SLC11A1: variants seen among roughly 807,000 people sequenced by gnomAD.
The protein encoded by SLC11A1 is solute carrier family 11 member 1, also known as natural resistance-associated macrophage protein 1.
Under a neutral mutation model 63.2 loss-of-function variants are expected in SLC11A1, and 59 were observed. The observed-to-expected ratio is 0.93, with a 90% CI of 0.76 to 1.16. The LOEUF (loss-of-function observed/expected upper bound fraction) is 1.16. Among genes scored for constraint, SLC11A1 ranks in the 50% most tolerant of loss-of-function variants. The pLI, the probability that SLC11A1 is intolerant of heterozygous loss-of-function variation, is 0.00. For synonymous variants in SLC11A1, 305 were observed against 307.8 expected (o/e 0.99, Z 0.09); for missense variants, 688 against 730.7 (o/e 0.94, Z 0.67).
At chr2:218,385,652 A>G (rs531798870) in intron 4 of SLC11A1, 112 of 363,378 alleles carry the variant, frequency 3.1e-4, no homozygotes, top group African/African-American at 2.3e-3. Context: ...CAGTCTCCCA[A>G]AGTGCTGGGA....
intron 11 of SLC11A1, 121 bp from the exon 12 acceptor site, chr2:218,392,860 T>A (rs1326745873): frequency 1.3e-6 from 1 of 764,240 alleles, no homozygotes; most frequent in African/African-American, 1.8e-5. Context: ...CTGTCCCAGT[T>A]CAACAGTGGA....
chr2:218,382,678 C>G (rs1695868894), intron 1 of SLC11A1, among the ~76,000 whole-genome samples: 1 of 152,212 alleles, frequency 6.6e-6, no homozygotes, highest in Non-Finnish European at 1.5e-5. Context: ...CATGTGGCCT[C>G]AGCTTGCCCT....
intron 9 of SLC11A1, among the ~76,000 whole-genome samples, chr2:218,390,368 G>C (rs181427416): frequency 2.0e-5 from 3 of 152,178 alleles, no homozygotes; most frequent in Admixed American, 2.0e-4. Context: ...TATGGGGGTG[G>C]GGTCTGCATT....
At chr2:218,390,580 G>A (rs1696370663) in intron 9 of SLC11A1, among the ~76,000 whole-genome samples, 1 of 152,174 alleles carries the variant, frequency 6.6e-6, no homozygotes, top group Non-Finnish European at 1.5e-5. Context: ...TGGGAGAAGG[G>A]GTGGCCAGGC....
Position 218,382,500 on chromosome 2 carries a change from G to C in SLC11A1, c.7+125G>C. ...CCTGTGGAAGCCTCTGGTCCCCCGT[G>C]GGAGTCCTAGTCTAGAACACAGTTC... is the stretch of plus-strand genomic sequence containing the variant. On this transcript the variant is annotated intron_variant, in intron 1 of 14. Transcript: ENST00000233202. The C allele has an allele frequency of 3.0e-6, 3 of 994,730 alleles. No individual in the cohort carries two copies. In the Middle Eastern group the frequency reaches 6.5e-4, roughly 215 times the overall value. 61.6% of individuals were successfully genotyped at this position (994,730 alleles called of 1,614,324 possible).
chr2:218,386,777 G>A, intron 5 of SLC11A1, 36 bp downstream of exon 5: 1 of 1,472,484 alleles, frequency 6.8e-7, no homozygotes. Context: ...TTCAGGCCAG[G>A]CAGAGAACAG....
chr2:218,391,519 AG>A (rs762101571), intron 11 of SLC11A1, 24 bp downstream of exon 11: 422 of 1,562,678 alleles, frequency 2.7e-4, no homozygotes, highest in Non-Finnish European at 3.4e-4. Flanking sequence ...CGGGCCCAGG[AG>A]GGCAAGGGGT....
In SLC11A1 at chr2:218,385,336, C is replaced by A. The variant is rs1032074512; in HGVS notation, c.393+70C>A. On this transcript the variant is annotated intron_variant, in intron 4 of 14. Coordinates refer to ENST00000233202, the MANE Select transcript of SLC11A1 (RefSeq NM_000578.4). ...CCCAAACAGCCATTTTCAGCTTCCACGATCAAATAAATACATCATCTCACA... is the reference window on the plus strand; with the variant it reads ...CCCAAACAGCCATTTTCAGCTTCCAAGATCAAATAAATACATCATCTCACA... 20 of 1,597,448 alleles carry A rather than the reference C, an allele frequency of 1.3e-5. No homozygotes were observed. In the Admixed American group the frequency reaches 2.3e-4, roughly 19 times the overall value.
In SLC11A1 at chr2:218,394,800, G is replaced by C; in HGVS notation, c.1542+15G>C. 6.2e-7 allele frequency: 1 copy of C among 1,611,074 alleles called. No individual in the cohort carries two copies. The highest frequency in any genetic ancestry group is 8.5e-7 in the Non-Finnish European group (1 of 1,179,900). ...GCACCTACCTGGTACAGTAGGGCCA[G>C]GGGATGCCTTGGGAATGGATGAGGG... On this transcript the variant is annotated intron_variant, in intron 14 of 14. Transcript: ENST00000233202.
At position 218,393,112 on chromosome 2, in the gene SLC11A1, C is replaced by T. The variant is rs201092558; in HGVS notation, c.1296C>T (p.Asn432=). The change falls in exon 12 of 15, where the codon AAC becomes AAT. Residue 432 remains asparagine, a synonymous_variant. Transcript: ENST00000233202. The part of the protein sequence containing the change: ...RDLSGLNDLL[N]VLQSLLLPFA... Reference sequence around the variant, plus strand: ...TGTCGGGCCTCAATGATCTGCTCAACGTGCTGCAGAGCCTGCTGGTGAGAT... The same window carrying T: ...TGTCGGGCCTCAATGATCTGCTCAATGTGCTGCAGAGCCTGCTGGTGAGAT... 2.0e-5 allele frequency: 31 copies of T among 1,583,368 alleles called. No homozygotes were observed. Among genetic ancestry groups the T allele is most frequent in the Non-Finnish European group, 2.6e-5 (30 of 1,170,420 alleles).
intron 12 of SLC11A1, 95 bp from the exon 13 acceptor site, chr2:218,394,025 C>A: frequency 1.6e-6 from 2 of 1,261,412 alleles, no homozygotes; most frequent in Non-Finnish European, 2.3e-6. Flanking sequence ...AGCTCACACC[C>A]ACACAGAGGG....
intron 6 of SLC11A1, 45 bp from the exon 7 acceptor site, chr2:218,387,520 G>T (rs1296754749): frequency 1.2e-6 from 2 of 1,604,432 alleles, no homozygotes; most frequent in Admixed American, 3.4e-5. Flanking sequence ...TGATGTCACA[G>T]ATTTTTTTCG....
Position 218,392,745 on chromosome 2 carries a change from A to G in SLC11A1, c.1165-236A>G, listed in dbSNP as rs184294488. The G allele has an allele frequency of 4.3e-4, 200 of 460,376 alleles. 2 individuals carry two copies. The highest frequency in any genetic ancestry group is 3.4e-3 in the African/African-American group (167 of 48,880). The allele number at this position is 460,376 out of a possible 1,614,324, so 28.5% of individuals were successfully genotyped here. A position where few individuals can be genotyped will look rare whatever the true frequency, so the allele number is the denominator to read the frequency against. The stretch of plus-strand genomic sequence containing the variant: ...TGCTGGAAGCTGCAGACCCAGGACT[A>G]ACAGAAGCCTTTTCCCCAAAACTGT... On this transcript the variant is annotated intron_variant, in intron 11 of 14. Coordinates refer to ENST00000233202, the MANE Select transcript of SLC11A1 (RefSeq NM_000578.4).
Position 218,389,265 on chromosome 2 carries a change from A to G in SLC11A1, c.796-605A>G, listed in dbSNP as rs143586763. Among the ~76,000 whole-genome samples, 862 of 152,028 alleles carry G rather than the reference A, an allele frequency of 5.7e-3. 5 individuals carry two copies. The highest frequency in any genetic ancestry group is 0.021 in the Middle Eastern group (6 of 292). On this transcript the variant is annotated intron_variant, in intron 8 of 14. Transcript: ENST00000233202. ...GCAAAGGCCACTGGCAGAAGTGAACAAGGCTTGGGTCCCTAACAGCTTAAC... is the reference window on the plus strand; with the variant it reads ...GCAAAGGCCACTGGCAGAAGTGAACGAGGCTTGGGTCCCTAACAGCTTAAC...
Position 218,395,305 on chromosome 2 carries a change from A to ACC in SLC11A1, c.*270_*271insCC. 6.9e-6 allele frequency: 3 copies of ACC among 432,182 alleles called. No individual in the cohort carries two copies. Among genetic ancestry groups the ACC allele is most frequent in the East Asian group, 4.0e-5 (1 of 25,224 alleles). The allele number at this position is 432,182 out of a possible 1,614,324, so 26.8% of individuals were successfully genotyped here. On this transcript the variant is annotated 3_prime_UTR_variant, in exon 15 of 15. Coordinates refer to ENST00000233202, the MANE Select transcript of SLC11A1 (RefSeq NM_000578.4). ...CTGGCACTTGGGACAAAAACAAACA[A>ACC]ACGAAAAACATTTCAAAAGGTATTT...
Position 218,390,009 on chromosome 2 carries a change from A to C in SLC11A1, c.935A>C (p.Gln312Pro). Reference protein sequence around the residue: ...VMAVFGQAFYQKTNQAAFNIC... With the variant: ...VMAVFGQAFYPKTNQAAFNIC... ...GCTGTCTTTGGGCAGGCCTTCTACC[A>C]GAAAACCAACCAGGCTGCGGTGAGA... is the stretch of plus-strand genomic sequence containing the variant. Residue 312 changes from glutamine to proline, a missense_variant, in exon 9 of 15, where the codon CAG becomes CCG. Transcript: ENST00000233202. 6.2e-7 allele frequency: 1 copy of C among 1,612,652 alleles called. No homozygotes were observed. Among genetic ancestry groups the C allele is most frequent in the African/African-American group, 1.3e-5 (1 of 74,968 alleles).
chr2:218,388,244 T>C, intron 8 of SLC11A1: 2 of 338,186 alleles, frequency 5.9e-6, no homozygotes, highest in Non-Finnish European at 1.1e-5. Flanking sequence ...GGCGCGCGCC[T>C]GTAGTCCCAG....
In SLC11A1 at chr2:218,386,745, C is replaced by T. The variant is rs775967572; in HGVS notation, c.500+4C>T. On this transcript the variant is annotated splice_donor_region_variant and intron_variant, in intron 5 of 14. Transcript: ENST00000233202. Reference sequence around the variant, plus strand: ...TCAATCTGCTCTCAGCTGGACGGTACCACCCCAGTGTACCCCAACTCTTCA... The same window carrying T: ...TCAATCTGCTCTCAGCTGGACGGTATCACCCCAGTGTACCCCAACTCTTCA... 3.7e-6 allele frequency: 6 copies of T among 1,609,088 alleles called. No homozygotes were observed. Among genetic ancestry groups the T allele is most frequent in the Non-Finnish European group, 5.1e-6 (6 of 1,175,710 alleles).
At chr2:218,383,137 A>G in intron 2 of SLC11A1, 35 bp downstream of exon 2, 1 of 1,609,168 alleles carries the variant, frequency 6.2e-7, no homozygotes, top group Non-Finnish European at 8.5e-7. Flanking sequence ...GGCTTGCAAG[A>G]TTGACAGGAT....
Sources: gnomAD v4.1 joint callset for allele counts (sites outside exome capture counted in the v4.1 genomes callset) on GRCh38, gnomAD v4.1.1 for gene constraint, MANE v1.5 for transcripts, NCBI Gene and HGNC (gene_info 2026-07-23, HGNC 2026-07-21) for gene names.